EML1: variants seen among roughly 807,000 people sequenced by gnomAD.
The protein encoded by EML1 is EMAP like 1, also known as echinoderm microtubule-associated protein-like 1.
Under a neutral mutation model 110.4 loss-of-function variants are expected in EML1, and 27 were observed. That is an observed-to-expected ratio of 0.24 (90% CI 0.18 to 0.34). The LOEUF is 0.34. Ranked by LOEUF, EML1 falls within the 10% of genes least tolerant of loss-of-function variation. The pLI is 1.00. For synonymous variants in EML1, 344 were observed against 385.8 expected (o/e 0.89, Z 1.27); for missense variants, 741 against 1,030.9 (o/e 0.72, Z 3.85).
At chr14:99,913,280 C>T (rs1041801843) in intron 13 of EML1, among the ~76,000 whole-genome samples, 4 of 151,940 alleles carry the variant, frequency 2.6e-5, no homozygotes, top group Admixed American at 2.0e-4. Context: ...TCAAGTAATT[C>T]TCCCACCTCA....
At chr14:99,913,570 A>G (rs2059981693) in intron 13 of EML1, among the ~76,000 whole-genome samples, 1 of 152,206 alleles carries the variant, frequency 6.6e-6, no homozygotes, top group Non-Finnish European at 1.5e-5. Context: ...TTATTTTTAA[A>G]TTTTGTTGAG....
At chr14:99,894,536 C>A in intron 5 of EML1, 93 bp from the exon 6 acceptor site, 1 of 1,388,358 alleles carries the variant, frequency 7.2e-7, no homozygotes, top group Non-Finnish European at 9.4e-7. Context: ...AAAAGTTTCT[C>A]TTTTATACTG....
At chr14:99,884,714 T>C (rs2059445241) in intron 4 of EML1, among the ~76,000 whole-genome samples, 1 of 152,172 alleles carries the variant, frequency 6.6e-6, no homozygotes, top group African/African-American at 2.4e-5. Flanking sequence ...TACTATAAAA[T>C]AAAGCACAGA....
intron 2 of EML1, among the ~76,000 whole-genome samples, chr14:99,861,024 A>G (rs2058994957): frequency 6.6e-6 from 1 of 152,248 alleles, no homozygotes; most frequent in South Asian, 2.1e-4. Flanking sequence ...AAGGACAACA[A>G]TAGATTATTA....
intron 9 of EML1, among the ~76,000 whole-genome samples, chr14:99,906,208 A>G (rs2059843471): frequency 6.6e-6 from 1 of 152,178 alleles, no homozygotes; most frequent in African/African-American, 2.4e-5. Flanking sequence ...GTGATCATAA[A>G]GGGGTCCCAA....
At chr14:99,889,286 G>A (rs1051975814) in intron 4 of EML1, among the ~76,000 whole-genome samples, 4 of 152,196 alleles carry the variant, frequency 2.6e-5, no homozygotes, top group East Asian at 1.9e-4. Context: ...GCTGAGAGCC[G>A]ACCCCACCAC....
intron 7 of EML1, 40 bp from the exon 8 acceptor site, chr14:99,898,193 C>A: frequency 1.3e-6 from 2 of 1,516,526 alleles, no homozygotes; most frequent in Non-Finnish European, 1.8e-6. Flanking sequence ...GTAAAACTTA[C>A]CTGCAACATG....
At chr14:99,795,924 TAAAGAC>T (rs1346191575) in intron 1 of EML1, among the ~76,000 whole-genome samples, 1 of 152,134 alleles carries the variant, frequency 6.6e-6, no homozygotes, top group Non-Finnish European at 1.5e-5. Context: ...TCTGGTCAAA[TAAAGAC>T]AAGATCAAGA....
intron 17 of EML1, among the ~76,000 whole-genome samples, chr14:99,925,275 CTTT>C (rs972066503): frequency 4.4e-5 from 6 of 136,022 alleles, no homozygotes; most frequent in Admixed American, 7.4e-5. Context: ...TTTCTTTTTT[CTTT>C]TTTTTTTTTT....
At position 99,937,871 on chromosome 14, in the gene EML1, A is replaced by G. The variant is rs1030194965; in HGVS notation, c.2150A>G (p.Glu717Gly). The G allele has an allele frequency of 2.5e-6, 4 of 1,614,020 alleles. No individual in the cohort carries two copies. Among genetic ancestry groups the G allele is most frequent in the Non-Finnish European group, 3.4e-6 (4 of 1,179,992 alleles). ...AGTGTGGAAACTACAAGAGACATTG[A>G]ATGGGCTACCTATACCTGCACTTTG... is the stretch of plus-strand genomic sequence containing the variant. ...VVSVETTRDIEWATYTCTLGF... is the reference protein window; with the variant it reads ...VVSVETTRDIGWATYTCTLGF... The change falls in exon 20 of 22, where the codon GAA becomes GGA. Residue 717 changes from glutamate to glycine, a missense_variant. Coordinates refer to ENST00000262233, the MANE Select transcript of EML1 (RefSeq NM_004434.3).
intron 1 of EML1, among the ~76,000 whole-genome samples, chr14:99,844,802 CT>C (rs1449823569): frequency 6.6e-6 from 1 of 152,136 alleles, no homozygotes; most frequent in African/African-American, 2.4e-5. Flanking sequence ...GATGGGCTTT[CT>C]TCATTCAGTA....
At chr14:99,830,305 C>A (rs918644630) in intron 1 of EML1, among the ~76,000 whole-genome samples, 1 of 152,020 alleles carries the variant, frequency 6.6e-6, no homozygotes, top group African/African-American at 2.4e-5. Flanking sequence ...AGAGAAACAT[C>A]TATTTAAGGT....
chr14:99,789,112 T>C (rs1325938949), upstream of EML1, among the ~76,000 whole-genome samples: 1 of 152,218 alleles, frequency 6.6e-6, no homozygotes, highest in East Asian at 1.9e-4. Flanking sequence ...ATAATGCTGC[T>C]ATGAACATGG....
chr14:99,845,812 A>G lies in EML1; in HGVS notation c.68-5041A>G, dbSNP rs897656587. Among the ~76,000 whole-genome samples the G allele has an allele frequency of 5.9e-5, 9 of 152,198 alleles. No individual in the cohort carries two copies. In the East Asian group the frequency reaches 7.8e-4, roughly 13 times the overall value. On this transcript the variant is annotated intron_variant, in intron 1 of 21. Coordinates refer to ENST00000262233, the MANE Select transcript of EML1 (RefSeq NM_004434.3). ...ACGCCTGTAATCCCAGCACTTTGGGAAGCCGAGGTGGTTGGATCACCTGAG... is the reference window on the plus strand; with the variant it reads ...ACGCCTGTAATCCCAGCACTTTGGGGAGCCGAGGTGGTTGGATCACCTGAG...
intron 1 of EML1, among the ~76,000 whole-genome samples, chr14:99,757,373 A>G (rs928134870): frequency 6.6e-5 from 10 of 152,166 alleles, no homozygotes; most frequent in Non-Finnish European, 1.2e-4. Flanking sequence ...AAAAATTTCA[A>G]GACTGTGGCA....
intron 1 of EML1, among the ~76,000 whole-genome samples, chr14:99,797,828 A>T (rs769646010): frequency 6.6e-5 from 10 of 152,324 alleles, no homozygotes; most frequent in Admixed American, 1.3e-4. Context: ...AGTAAAGGTT[A>T]CCCAGGAACC....
intron 1 of EML1, among the ~76,000 whole-genome samples, chr14:99,743,344 C>T (rs2057066223): frequency 6.6e-6 from 1 of 152,164 alleles, no homozygotes; most frequent in Non-Finnish European, 1.5e-5. Flanking sequence ...CCCCTGGGGA[C>T]CCTGCACCCT....
At chr14:99,793,180 C>T (rs1248488213), upstream of EML1, among the ~76,000 whole-genome samples, 9 of 147,350 alleles carry the variant, frequency 6.1e-5, no homozygotes, top group Non-Finnish European at 1.2e-4. Context: ...GCCGCGCTCC[C>T]CGCGGGGAAA....
Position 99,806,133 on chromosome 14 carries a change from A to G in EML1, c.67+12590A>G, listed in dbSNP as rs188412860. ...TTGAAAACAATAGTTTCATGAAGTT[A>G]CAGAATCCTAAACTGAATGTTTAAC... is the stretch of plus-strand genomic sequence containing the variant. On this transcript the variant is annotated intron_variant, in intron 1 of 21. Coordinates refer to ENST00000262233, the MANE Select transcript of EML1 (RefSeq NM_004434.3). Among the ~76,000 whole-genome samples the G allele has an allele frequency of 2.0e-4, 31 of 152,264 alleles. 1 individual carries two copies. The highest frequency in any genetic ancestry group is 1.5e-3 in the Admixed American group (23 of 15,298).
Sources: gnomAD v4.1 joint callset for allele counts (sites outside exome capture counted in the v4.1 genomes callset) on GRCh38, gnomAD v4.1.1 for gene constraint, MANE v1.5 for transcripts, NCBI Gene and HGNC (gene_info 2026-07-23, HGNC 2026-07-21) for gene names.